The following DOT1L variants were observed in gnomAD, a reference collection of about 807,000 sequenced individuals.
The protein encoded by DOT1L is histone-lysine N-methyltransferase, H3 lysine-79 specific.
DOT1L carries 33 observed loss-of-function variants against 153.3 expected under a neutral mutation model. The observed-to-expected ratio is 0.22, with a 90% CI of 0.16 to 0.29. The LOEUF is 0.29. Ranked by LOEUF, DOT1L falls within the 10% of genes least tolerant of loss-of-function variation. The pLI, the probability that DOT1L is intolerant of heterozygous loss-of-function variation, is 1.00. For missense variants in DOT1L, 1,847 were observed against 2,119.9 expected, an observed-to-expected ratio of 0.87 and a Z score of 2.53; for synonymous variants, 1,135 against 965.1, an observed-to-expected ratio of 1.18 and a Z score of -3.26.
At chr19:2,196,782 A>G (rs1351675748) in intron 7 of DOT1L, among the ~76,000 whole-genome samples, 1 of 152,102 alleles carries the variant, frequency 6.6e-6, no homozygotes, top group Non-Finnish European at 1.5e-5. Flanking sequence ...CGTGAGGGCA[A>G]GACGGGTACC....
chr19:2,187,909 G>C (rs75867437), intron 3 of DOT1L, among the ~76,000 whole-genome samples: 8,097 of 137,706 alleles, frequency 0.059, 280 homozygotes, highest in South Asian at 0.15. Flanking sequence ...GTGACAGAGC[G>C]AGACTCCATC....
At chr19:2,174,772 T>C (rs2021826660) in intron 1 of DOT1L, among the ~76,000 whole-genome samples, 1 of 150,040 alleles carries the variant, frequency 6.7e-6, no homozygotes, top group Non-Finnish European at 1.5e-5. Flanking sequence ...GGTGTACCTG[T>C]CATGCCCAGC....
At chr19:2,214,136 C>G in intron 18 of DOT1L, 150 bp downstream of exon 18, 1 of 1,323,700 alleles carries the variant, frequency 7.6e-7, no homozygotes, top group Non-Finnish European at 1.0e-6. Flanking sequence ...GAAAGCTTGT[C>G]GAGCGCGTCA....
Position 2,222,935 on chromosome 19 carries a change from G to T in DOT1L, c.3391-346G>T. 1 of 430,674 alleles carries T rather than the reference G, an allele frequency of 2.3e-6. No individual in the cohort carries two copies. Among genetic ancestry groups the T allele is most frequent in the South Asian group, 3.9e-5 (1 of 25,828 alleles). 26.7% of individuals were successfully genotyped at this position (430,674 alleles called of 1,614,324 possible). A position where few individuals can be genotyped will look rare whatever the true frequency, so the allele number is the denominator to read the frequency against. ...GAGGCAGGGGGCCATGACTGAGCCC[G>T]GCCATCCTCCACCACGTGCGGCCTG... On this transcript the variant is annotated intron_variant, in intron 24 of 27. Transcript: ENST00000398665. The surrounding 1 kb of genome is among the most constrained non-coding windows in gnomAD (Gnocchi z 6.5).
intron 1 of DOT1L, among the ~76,000 whole-genome samples, chr19:2,174,153 TATC>T (rs751490214): frequency 9.2e-5 from 14 of 152,218 alleles, no homozygotes; most frequent in Non-Finnish European, 1.8e-4. Flanking sequence ...GGCTAGTTAT[TATC>T]AAGTCAGCTG....
chr19:2,192,885 AGAT>A (rs1462356432), intron 5 of DOT1L, among the ~76,000 whole-genome samples: 2 of 152,194 alleles, frequency 1.3e-5, no homozygotes, highest in African/African-American at 4.8e-5. Flanking sequence ...TATATGTTTT[AGAT>A]GATGACGGCC....
intron 16 of DOT1L, 85 bp from the exon 17 acceptor site, chr19:2,213,454 G>A: frequency 7.3e-7 from 1 of 1,367,358 alleles, no homozygotes; most frequent in Admixed American, 1.9e-5. Context: ...TCTTCAGGAA[G>A]CATGAGAGGC....
intron 16 of DOT1L, 128 bp from the exon 17 acceptor site, chr19:2,213,410 TG>T: frequency 3.4e-6 from 3 of 871,190 alleles, no homozygotes; most frequent in Non-Finnish European, 5.3e-6. Context: ...CAGCCCGGTG[TG>T]GGTCCCCTCA....
In DOT1L at chr19:2,220,563, A is replaced by C; in HGVS notation, c.2806+341A>C. ...CCCTGACTCAGGATCGGCTCCACACACAGCAGTGCCCAATGGCACACGACC... is the reference window on the plus strand; with the variant it reads ...CCCTGACTCAGGATCGGCTCCACACCCAGCAGTGCCCAATGGCACACGACC... On this transcript the variant is annotated intron_variant, in intron 23 of 27. Transcript: ENST00000398665. The surrounding 1 kb of genome is among the most constrained non-coding windows in gnomAD (Gnocchi z 4.5). 1 of 478,754 alleles carries C rather than the reference A, an allele frequency of 2.1e-6. No individual in the cohort carries two copies. The highest frequency in any genetic ancestry group is 2.0e-5 in the African/African-American group (1 of 50,964). 29.7% of individuals were successfully genotyped at this position (478,754 alleles called of 1,614,324 possible). A position where few individuals can be genotyped will look rare whatever the true frequency, so the allele number is the denominator to read the frequency against.
intron 5 of DOT1L, among the ~76,000 whole-genome samples, chr19:2,192,963 G>A (rs2022860935): frequency 6.6e-6 from 1 of 152,262 alleles, no homozygotes; most frequent in Non-Finnish European, 1.5e-5. Flanking sequence ...TGGTGTGGTG[G>A]CGGCGGTCTG....
rs114750201 is a variant in DOT1L at position 2,187,616 on chromosome 19, C to T, written c.200+1687C>T. 8.1e-3 allele frequency among the ~76,000 whole-genome samples: 1,231 copies of T among 152,180 alleles called. 17 individuals are homozygous for T. The highest frequency in any genetic ancestry group is 0.028 in the African/African-American group (1,158 of 41,530). On this transcript the variant is annotated intron_variant, in intron 3 of 27. Transcript: ENST00000398665. Reference sequence around the variant, plus strand: ...AAGGTCTGGTTGTCAGGGTTGAAGGCGGCGTGTAGAAGTGGAAACACAGGG... The same window carrying T: ...AAGGTCTGGTTGTCAGGGTTGAAGGTGGCGTGTAGAAGTGGAAACACAGGG...
intron 1 of DOT1L, among the ~76,000 whole-genome samples, chr19:2,176,017 C>T (rs1002101709): frequency 4.6e-5 from 7 of 152,238 alleles, no homozygotes; most frequent in East Asian, 1.9e-4. Context: ...CTCTGTGTCC[C>T]GGCTCTGCCT....
In DOT1L at chr19:2,188,834, G is replaced by A. The variant is rs142805274; in HGVS notation, c.201-898G>A. On this transcript the variant is annotated intron_variant, in intron 3 of 27. Coordinates refer to ENST00000398665, the MANE Select transcript of DOT1L (RefSeq NM_032482.3). ...GGACAGACTAGGCCAGGCAGACCCC[G>A]TAGCAGGCTTGCCCCCACCCCGGAA... Among the ~76,000 whole-genome samples, 523 of 152,324 alleles carry A rather than the reference G, an allele frequency of 3.4e-3. 1 individual carries two copies. Among genetic ancestry groups the A allele is most frequent in the African/African-American group, 9.7e-3 (404 of 41,584 alleles).
At chr19:2,186,930 G>T (rs573965765) in intron 3 of DOT1L, among the ~76,000 whole-genome samples, 2 of 152,356 alleles carry the variant, frequency 1.3e-5, no homozygotes, top group Non-Finnish European at 2.9e-5. Context: ...CCGCATGGCA[G>T]GGTCCACAGG....
Position 2,230,487 on chromosome 19 carries a change from G to A in DOT1L, c.*695G>A, listed in dbSNP as rs1046418495. The A allele has an allele frequency of 2.8e-5, 11 of 399,098 alleles. No homozygotes were observed. Among genetic ancestry groups the A allele is most frequent in the Admixed American group, 1.3e-4 (3 of 22,776 alleles). 24.7% of individuals were successfully genotyped at this position (399,098 alleles called of 1,614,324 possible). ...TGACGCAGCTGGCCATGTGCTGCGC[G>A]ATGGTGCTGTGAGGACGGCGCGGGC... On this transcript the variant is annotated 3_prime_UTR_variant, in exon 28 of 28. Coordinates refer to ENST00000398665, the MANE Select transcript of DOT1L (RefSeq NM_032482.3).
At chr19:2,182,015 G>A (rs1198640114) in intron 2 of DOT1L, among the ~76,000 whole-genome samples, 1 of 152,098 alleles carries the variant, frequency 6.6e-6, no homozygotes, top group Non-Finnish European at 1.5e-5. Flanking sequence ...TTGAGGCCAG[G>A]AGTTCGAGAC....
chr19:2,178,624 A>G (rs578120921), intron 1 of DOT1L, among the ~76,000 whole-genome samples: 2 of 152,080 alleles, frequency 1.3e-5, no homozygotes, highest in Non-Finnish European at 2.9e-5. Context: ...TCATTGTGTT[A>G]GCCAGGATGG....
chr19:2,209,599 G>A (rs1027932939), intron 12 of DOT1L, among the ~76,000 whole-genome samples: 2 of 152,352 alleles, frequency 1.3e-5, no homozygotes, highest in East Asian at 1.9e-4. Context: ...TTAAAGCAGC[G>A]GTGGGAAAGC....
chr19:2,192,183 A>AG (rs1419652783), intron 5 of DOT1L, among the ~76,000 whole-genome samples: 1 of 152,152 alleles, frequency 6.6e-6, no homozygotes, highest in African/African-American at 2.4e-5. Context: ...AAGGGGCCCC[A>AG]GGGGCAGGGA....
Sources: gnomAD v4.1 joint callset for allele counts (sites outside exome capture counted in the v4.1 genomes callset) on GRCh38, gnomAD v4.1.1 for gene constraint, Gnocchi (gnomAD v3.1) non-coding constraint, MANE v1.5 for transcripts, NCBI Gene and HGNC (gene_info 2026-07-23, HGNC 2026-07-21) for gene names.